Variants in SORCS1 observed in about 807,000 individuals in gnomAD.
SORCS1 encodes the protein VPS10 domain-containing receptor SorCS1.
SORCS1 carries 60 observed loss-of-function variants against 146.1 expected under a neutral mutation model. The observed-to-expected ratio is 0.41, with a 90% CI of 0.33 to 0.51. SORCS1 has a LOEUF of 0.51. Ranked by LOEUF, SORCS1 falls within the 20% of genes least tolerant of loss-of-function variation. The probability of loss-of-function intolerance (pLI) is 0.21; values close to 1 mark genes in which losing one functional copy is unlikely to be tolerated. For synonymous variants in SORCS1, 637 were observed against 584.0 expected, an observed-to-expected ratio of 1.09 and a Z score of -1.31; for missense variants, 1,352 against 1,487.6, an observed-to-expected ratio of 0.91 and a Z score of 1.50.
intron 2 of SORCS1, among the ~76,000 whole-genome samples, chr10:106,927,435 C>T (rs1452227310): frequency 6.6e-6 from 1 of 152,132 alleles, no homozygotes; most frequent in Non-Finnish European, 1.5e-5. Flanking sequence ...GTGAGTGTTA[C>T]AGCTCATAAA....
intron 2 of SORCS1, among the ~76,000 whole-genome samples, chr10:106,940,044 A>G (rs1953953759): frequency 6.6e-6 from 1 of 152,194 alleles, no homozygotes; most frequent in Non-Finnish European, 1.5e-5. Flanking sequence ...TTACATTTGT[A>G]TTTGAACAAA....
chr10:107,112,333 G>T (rs1965752353), intron 1 of SORCS1, among the ~76,000 whole-genome samples: 1 of 151,964 alleles, frequency 6.6e-6, no homozygotes, highest in Admixed American at 6.5e-5. Context: ...TATAATTTTA[G>T]GATGTTTTAC....
At chr10:106,951,878 T>C (rs766729905) in intron 2 of SORCS1, among the ~76,000 whole-genome samples, 2 of 152,142 alleles carry the variant, frequency 1.3e-5, no homozygotes, top group Non-Finnish European at 2.9e-5. Flanking sequence ...ACCTCCCCAA[T>C]AGTCCCATAG....
Position 107,116,766 on chromosome 10 carries a change from T to A in SORCS1, c.558+47203A>T, listed in dbSNP as rs370573865. On this transcript the variant is annotated intron_variant, in intron 1 of 25. Coordinates refer to ENST00000263054, the MANE Select transcript of SORCS1 (RefSeq NM_052918.5). Reference sequence around the variant, plus strand: ...AATGGATTTATTAATTAATTTGTTATAATCATTACACAAAGTATACACATA... The same window carrying A: ...AATGGATTTATTAATTAATTTGTTAAAATCATTACACAAAGTATACACATA... 1.1e-4 allele frequency among the ~76,000 whole-genome samples: 16 copies of A among 152,344 alleles called. No individual in the cohort carries two copies. In the South Asian group the frequency reaches 1.7e-3, roughly 16 times the overall value.
chr10:107,097,810 G>T (rs1362748675), intron 1 of SORCS1, among the ~76,000 whole-genome samples: 1 of 152,096 alleles, frequency 6.6e-6, no homozygotes, highest in African/African-American at 2.4e-5. Flanking sequence ...CTTTTAAATA[G>T]TCCCTTCATT....
chr10:106,637,157 T>C (rs1017663869), intron 18 of SORCS1, among the ~76,000 whole-genome samples: 1 of 152,232 alleles, frequency 6.6e-6, no homozygotes, highest in Non-Finnish European at 1.5e-5. Context: ...TGACATTTTA[T>C]AATAGTAAAC....
chr10:106,775,749 A>G (rs562545167), intron 4 of SORCS1, among the ~76,000 whole-genome samples: 21 of 152,284 alleles, frequency 1.4e-4, no homozygotes, highest in African/African-American at 5.1e-4. Flanking sequence ...TTATGGCCAG[A>G]GTCTCTCTCA....
chr10:107,077,688 A>G (rs1963001951), intron 1 of SORCS1, among the ~76,000 whole-genome samples: 1 of 151,630 alleles, frequency 6.6e-6, no homozygotes, highest in African/African-American at 2.4e-5. Flanking sequence ...CCCTGGATCA[A>G]GGCCATTACT....
At chr10:106,867,903 C>T (rs1399423095) in intron 2 of SORCS1, among the ~76,000 whole-genome samples, 1 of 152,158 alleles carries the variant, frequency 6.6e-6, no homozygotes, top group East Asian at 1.9e-4. Context: ...ACTTTAAAGG[C>T]ACAGAGTGTC....
At chr10:107,108,138 C>A (rs1346831324) in intron 1 of SORCS1, among the ~76,000 whole-genome samples, 1 of 152,110 alleles carries the variant, frequency 6.6e-6, no homozygotes, top group East Asian at 1.9e-4. Context: ...TCCTACATGC[C>A]CAGGCATCTG....
intron 2 of SORCS1, among the ~76,000 whole-genome samples, chr10:106,925,782 G>A (rs1242039571): frequency 2.0e-5 from 3 of 152,166 alleles, no homozygotes; most frequent in African/African-American, 4.8e-5. Context: ...CAATTGCACT[G>A]TATATTTGAT....
chr10:106,699,430 A>T, intron 8 of SORCS1, 37 bp from the exon 9 acceptor site: 2 of 1,551,736 alleles, frequency 1.3e-6, no homozygotes, highest in Non-Finnish European at 8.7e-7. Flanking sequence ...AGGGAAAAAG[A>T]GTTTTATACA....
At chr10:107,140,695 AAGAC>A (rs1967736350) in intron 1 of SORCS1, among the ~76,000 whole-genome samples, 1 of 152,208 alleles carries the variant, frequency 6.6e-6, no homozygotes, top group Non-Finnish European at 1.5e-5. Context: ...AATTGCTTTC[AAGAC>A]ATCTATAGCT....
chr10:106,954,242 G>A (rs933526553), intron 2 of SORCS1, among the ~76,000 whole-genome samples: 1 of 152,128 alleles, frequency 6.6e-6, no homozygotes, highest in South Asian at 2.1e-4. Flanking sequence ...TTTCTAATAT[G>A]CAGACTATAC....
intron 1 of SORCS1, among the ~76,000 whole-genome samples, chr10:107,024,260 C>A (rs924523753): frequency 6.6e-6 from 1 of 151,710 alleles, no homozygotes; most frequent in African/African-American, 2.4e-5. Context: ...CCAGCACCTT[C>A]TTCTGGTAAG....
rs1564877921 is a variant in SORCS1, at chr10:106,976,335, T to TTGTTTG, written c.559-19756_559-19755insCAAACA. On this transcript the variant is annotated intron_variant, in intron 1 of 25. Transcript: ENST00000263054. ...CAACTCATCATCTAGGTTTTTTTGTTTTTTTTTTTTTTTTGAGACGGAGTC... is the reference window on the plus strand; with the variant it reads ...CAACTCATCATCTAGGTTTTTTTGTTTGTTTGTTTTTTTTTTTTTTGAGACGGAGTC... 7.4e-5 allele frequency among the ~76,000 whole-genome samples: 9 copies of TTGTTTG among 122,138 alleles called. No homozygotes were observed. The East Asian group carries it at 1.7e-3, about 24-fold the overall frequency. The allele number at this position is 122,138 out of a possible 152,430, so 80.1% of individuals were successfully genotyped here. A position where few individuals can be genotyped will look rare whatever the true frequency, so the allele number is the denominator to read the frequency against.
intron 2 of SORCS1, among the ~76,000 whole-genome samples, chr10:106,863,796 T>A (rs149307579): frequency 9.9e-4 from 149 of 151,180 alleles, no homozygotes; most frequent in African/African-American, 3.4e-3. Flanking sequence ...CAGATTCCCA[T>A]TGCCTTCAGA....
intron 1 of SORCS1, among the ~76,000 whole-genome samples, chr10:107,013,267 T>C (rs1957759794): frequency 6.6e-6 from 1 of 152,118 alleles, no homozygotes; most frequent in South Asian, 2.1e-4. Flanking sequence ...AGTTGGGTAA[T>C]GTGGGTCACA....
At chr10:106,733,833 T>C (rs1856774877) in intron 5 of SORCS1, among the ~76,000 whole-genome samples, 1 of 152,178 alleles carries the variant, frequency 6.6e-6, no homozygotes, top group African/African-American at 2.4e-5. Context: ...GCACCTTTGT[T>C]TTATGCCTCT....
Sources: gnomAD v4.1 joint callset for allele counts (sites outside exome capture counted in the v4.1 genomes callset) on GRCh38, gnomAD v4.1.1 for gene constraint, MANE v1.5 for transcripts, NCBI Gene and HGNC (gene_info 2026-07-23, HGNC 2026-07-21) for gene names.